Variants in GPR39 observed in about 807,000 individuals in gnomAD.
The protein encoded by GPR39 is G protein-coupled receptor 39.
A neutral mutation model predicts 18.4 loss-of-function variants in GPR39; 23 were observed. The observed-to-expected ratio is 1.25, with a 90% CI of 0.90 to 1.77. The LOEUF (loss-of-function observed/expected upper bound fraction) is 1.77. GPR39 is among the 40% of genes most tolerant of loss of function. The pLI is 0.00. For synonymous variants in GPR39, 280 were observed against 257.9 expected (o/e 1.09, Z -0.82); for missense variants, 647 against 602.4 (o/e 1.07, Z -0.78).
At chr2:132,456,339 TCCTC>T (rs1680728369) in intron 1 of GPR39, among the ~76,000 whole-genome samples, 1 of 151,090 alleles carries the variant, frequency 6.6e-6, no homozygotes, top group South Asian at 2.1e-4. Context: ...TGGTAGATCT[TCCTC>T]CATCCCTTTA....
Position 132,646,367 on chromosome 2 carries a change from C to A in GPR39, c.*761C>A, listed in dbSNP as rs1682078498. ...TCAGCCCAAATCCAAACGGACAGCTCTTCCTTACTCCTCCCACAGCCCAGA... is the reference window on the plus strand; with the variant it reads ...TCAGCCCAAATCCAAACGGACAGCTATTCCTTACTCCTCCCACAGCCCAGA... On this transcript the variant is annotated 3_prime_UTR_variant, in exon 2 of 2. Coordinates refer to ENST00000329321, the MANE Select transcript of GPR39 (RefSeq NM_001508.3). 2.4e-6 allele frequency: 2 copies of A among 844,676 alleles called. No homozygotes were observed. The highest frequency in any genetic ancestry group is 3.2e-5 in the South Asian group (1 of 31,670). The allele number at this position is 844,676 out of a possible 1,614,324, so 52.3% of individuals were successfully genotyped here.
At chr2:132,452,675 T>C (rs1680651465) in intron 1 of GPR39, among the ~76,000 whole-genome samples, 1 of 148,440 alleles carries the variant, frequency 6.7e-6, no homozygotes. Flanking sequence ...CCCTGTCCTG[T>C]GTCCAAGTGA....
At position 132,568,181 on chromosome 2, in the gene GPR39, A is replaced by C. The variant is rs1010233697; in HGVS notation, c.857-76920A>C. 9.9e-5 allele frequency among the ~76,000 whole-genome samples: 15 copies of C among 152,110 alleles called. 1 individual carries two copies. The highest frequency in any genetic ancestry group is 2.9e-4 in the African/African-American group (12 of 41,342). On this transcript the variant is annotated intron_variant, in intron 1 of 1. Transcript: ENST00000329321. Reference sequence around the variant, plus strand: ...CCTTGCCAGTGGTTAAGATAGGGCAAACAATGCCAGTTTGGCAGATGAAAC... The same window carrying C: ...CCTTGCCAGTGGTTAAGATAGGGCACACAATGCCAGTTTGGCAGATGAAAC...
Position 132,641,021 on chromosome 2 carries a change from T to A in GPR39, c.857-4080T>A, listed in dbSNP as rs1053070754. 9.2e-5 allele frequency among the ~76,000 whole-genome samples: 14 copies of A among 152,314 alleles called. No homozygotes were observed. The East Asian group carries it at 2.7e-3, about 29-fold the overall frequency. ...GTACCTGTATGCCTAATGCTCCATT[T>A]TCCTAGAGCAAAACTATCTTTCAAA... is the stretch of plus-strand genomic sequence containing the variant. On this transcript the variant is annotated intron_variant, in intron 1 of 1. Coordinates refer to ENST00000329321, the MANE Select transcript of GPR39 (RefSeq NM_001508.3).
At chr2:132,521,804 C>A (rs1351440040) in intron 1 of GPR39, among the ~76,000 whole-genome samples, 1 of 152,098 alleles carries the variant, frequency 6.6e-6, no homozygotes, top group African/African-American at 2.4e-5. Context: ...TTTTGCTCTC[C>A]AATTCTTCAT....
Position 132,417,257 on chromosome 2 carries a change from T to A in GPR39, c.215T>A (p.Met72Lys), listed in dbSNP as rs764126204. ...TTGCAGAAGGAGGTGACAGACCACA[T>A]GGTGAGTTTGGCTTGCTCGGACATC... ...GYLQKEVTDH[M>K]VSLACSDILV... The change falls in exon 1 of 2, where the codon ATG (methionine) becomes AAG (lysine). Residue 72 changes from methionine (M) to lysine (K), a missense_variant. Physicochemically the swap from Met to Lys is moderately conservative, Grantham distance 95. Coordinates refer to ENST00000329321, the MANE Select transcript of GPR39 (RefSeq NM_001508.3). 1 of 1,613,994 alleles carries A rather than the reference T, an allele frequency of 6.2e-7. No homozygotes were observed. Among genetic ancestry groups the A allele is most frequent in the African/African-American group, 1.3e-5 (1 of 74,896 alleles).
intron 1 of GPR39, among the ~76,000 whole-genome samples, chr2:132,444,172 A>T (rs116722030): frequency 0.035 from 5,332 of 152,274 alleles, 288 homozygotes; most frequent in African/African-American, 0.11. Context: ...TAAAATATTT[A>T]TGTGGCCTTC....
intron 1 of GPR39, among the ~76,000 whole-genome samples, chr2:132,457,178 C>A (rs1317815612): frequency 1.3e-5 from 2 of 152,108 alleles, no homozygotes; most frequent in African/African-American, 4.8e-5. Flanking sequence ...TTGTTCATTT[C>A]TTCTTACTCT....
chr2:132,534,576 C>A (rs565672710), intron 1 of GPR39, among the ~76,000 whole-genome samples: 1 of 150,350 alleles, frequency 6.7e-6, no homozygotes, highest in Non-Finnish European at 1.5e-5. Flanking sequence ...ATAGCAAAGA[C>A]TTGGAACCAA....
chr2:132,560,101 C>T (rs1302263763), intron 1 of GPR39, among the ~76,000 whole-genome samples: 3 of 152,122 alleles, frequency 2.0e-5, no homozygotes, highest in Non-Finnish European at 2.9e-5. Context: ...ATCCCTCAGC[C>T]AGCTTAGCTC....
At chr2:132,467,492 T>A (rs547946946) in intron 1 of GPR39, among the ~76,000 whole-genome samples, 4 of 152,268 alleles carry the variant, frequency 2.6e-5, no homozygotes, top group African/African-American at 9.6e-5. Context: ...AGATCATTCA[T>A]ACCCCAAACC....
At chr2:132,590,559 G>A (rs189324359) in intron 1 of GPR39, among the ~76,000 whole-genome samples, 4 of 152,104 alleles carry the variant, frequency 2.6e-5, no homozygotes, top group Admixed American at 2.6e-4. Context: ...AGCAGATGGG[G>A]TTGCATTGAG....
intron 1 of GPR39, among the ~76,000 whole-genome samples, chr2:132,452,778 T>C (rs142803039): frequency 0.027 from 4,119 of 150,984 alleles, 163 homozygotes; most frequent in African/African-American, 0.09. Context: ...GTTTCCAGCT[T>C]CATTCATGTC....
At chr2:132,440,484 A>C (rs773417807) in intron 1 of GPR39, among the ~76,000 whole-genome samples, 3 of 152,148 alleles carry the variant, frequency 2.0e-5, no homozygotes, top group Non-Finnish European at 2.9e-5. Flanking sequence ...AAGGATGTAT[A>C]AGTTGGGTGA....
At chr2:132,432,827 G>C (rs1225200783) in intron 1 of GPR39, among the ~76,000 whole-genome samples, 1 of 152,120 alleles carries the variant, frequency 6.6e-6, no homozygotes, top group Non-Finnish European at 1.5e-5. Flanking sequence ...CAGGACCTCA[G>C]TTTTATCATC....
intron 1 of GPR39, among the ~76,000 whole-genome samples, chr2:132,641,039 C>G (rs967504023): frequency 7.9e-5 from 12 of 152,166 alleles, no homozygotes; most frequent in Non-Finnish European, 2.9e-5. Context: ...GCAAAACTAT[C>G]TTTCAAAACA....
chr2:132,645,492 G>A lies in GPR39; in HGVS notation c.1248G>A (p.Glu416=), dbSNP rs1682013483. ...EKIFLSTFQS[E]AEPQSKSQSL... Reference sequence around the variant, plus strand: ...TTTTCTTAAGCACTTTTCAGAGCGAGGCCGAGCCCCAGTCTAAGTCCCAGT... The same window carrying A: ...TTTTCTTAAGCACTTTTCAGAGCGAAGCCGAGCCCCAGTCTAAGTCCCAGT... Residue 416 remains glutamate, a synonymous_variant, in exon 2 of 2, where the codon GAG becomes GAA. Transcript: ENST00000329321. 1 of 1,613,886 alleles carries A rather than the reference G, an allele frequency of 6.2e-7. No homozygotes were observed. Among genetic ancestry groups the A allele is most frequent in the South Asian group, 1.1e-5 (1 of 91,090 alleles).
chr2:132,548,018 A>G (rs1329138115), intron 1 of GPR39, among the ~76,000 whole-genome samples: 1 of 152,166 alleles, frequency 6.6e-6, no homozygotes, highest in African/African-American at 2.4e-5. Flanking sequence ...TGCATCTTGC[A>G]TAATGTTTCT....
chr2:132,607,811 G>A (rs895756784), intron 1 of GPR39, among the ~76,000 whole-genome samples: 5 of 152,126 alleles, frequency 3.3e-5, no homozygotes, highest in Non-Finnish European at 5.9e-5. Flanking sequence ...CAGAGGTAGC[G>A]CTTTGATTTT....
Sources: allele counts gnomAD v4.1 joint callset (sites outside exome capture counted in the v4.1 genomes callset), GRCh38; gene constraint gnomAD v4.1.1; transcripts MANE v1.5; gene names NCBI Gene and HGNC (gene_info 2026-07-23, HGNC 2026-07-21).